Variants in ARHGAP24 observed in about 807,000 individuals in gnomAD.
The protein encoded by ARHGAP24 is Rho GTPase activating protein 24.
Under a neutral mutation model 76.4 loss-of-function variants are expected in ARHGAP24, and 50 were observed. That is an observed-to-expected ratio of 0.65 (90% CI 0.52 to 0.83). ARHGAP24 has a LOEUF of 0.83. Among genes scored for constraint, ARHGAP24 ranks in the 40% least tolerant of loss-of-function variants. ARHGAP24 has a pLI of 0.00. For missense variants in ARHGAP24, 930 were observed against 914.2 expected, an observed-to-expected ratio of 1.02 and a Z score of -0.22; for synonymous variants, 345 against 323.3, an observed-to-expected ratio of 1.07 and a Z score of -0.72.
chr4:85,773,039 TAC>T (rs1296324679), intron 3 of ARHGAP24, among the ~76,000 whole-genome samples: 1 of 152,218 alleles, frequency 6.6e-6, no homozygotes, highest in Non-Finnish European at 1.5e-5. Context: ...AAATGTCTTT[TAC>T]ATAATCAATT....
At chr4:85,728,031 A>G (rs929695364) in intron 3 of ARHGAP24, among the ~76,000 whole-genome samples, 9 of 151,818 alleles carry the variant, frequency 5.9e-5, no homozygotes, top group African/African-American at 2.2e-4. Flanking sequence ...AAAAAAAAAG[A>G]TGTTATTTAT....
intron 4 of ARHGAP24, among the ~76,000 whole-genome samples, chr4:85,941,696 CA>C (rs1736954785): frequency 6.6e-6 from 1 of 152,104 alleles, no homozygotes; most frequent in African/African-American, 2.4e-5. Flanking sequence ...CTATTTTCTG[CA>C]GCATATTTCT....
At chr4:85,715,398 G>A (rs781129261) in intron 2 of ARHGAP24, among the ~76,000 whole-genome samples, 4 of 152,010 alleles carry the variant, frequency 2.6e-5, no homozygotes, top group South Asian at 4.1e-4. Flanking sequence ...TGGTATATTA[G>A]ATTTTTAAAT....
chr4:85,753,619 A>C (rs78739361), intron 3 of ARHGAP24, among the ~76,000 whole-genome samples: 1,839 of 152,314 alleles, frequency 0.012, 29 homozygotes, highest in African/African-American at 0.042. Context: ...GCACTGGTTA[A>C]TGGCTTCCTC....
chr4:85,977,835 A>G (rs1417063945), intron 8 of ARHGAP24, 144 bp downstream of exon 8: 1 of 1,057,136 alleles, frequency 9.5e-7, no homozygotes, highest in Non-Finnish European at 1.4e-6. Context: ...CTTTAAATGT[A>G]AAAATCTTCC....
At chr4:85,635,222 C>G (rs1205246072) in intron 2 of ARHGAP24, among the ~76,000 whole-genome samples, 1 of 151,778 alleles carries the variant, frequency 6.6e-6, no homozygotes, top group African/African-American at 2.4e-5. Context: ...AAGACTTTAC[C>G]TGCCAAAAAG....
chr4:85,717,365 C>T (rs528968269), intron 2 of ARHGAP24, among the ~76,000 whole-genome samples: 4 of 152,184 alleles, frequency 2.6e-5, no homozygotes, highest in South Asian at 4.1e-4. Context: ...TGACCTTACC[C>T]TCTTATATCA....
chr4:85,560,556 C>A (rs1726552577), intron 1 of ARHGAP24, among the ~76,000 whole-genome samples: 1 of 152,130 alleles, frequency 6.6e-6, no homozygotes, highest in African/African-American at 2.4e-5. Flanking sequence ...TTTAATCAAG[C>A]AACAGGATTT....
At chr4:85,865,681 C>T (rs1227213517) in intron 3 of ARHGAP24, among the ~76,000 whole-genome samples, 1 of 150,720 alleles carries the variant, frequency 6.6e-6, no homozygotes, top group African/African-American at 2.4e-5. Context: ...TGGAAGTAAG[C>T]ATGGAATATT....
chr4:85,959,143 C>T (rs1328580181), intron 5 of ARHGAP24, among the ~76,000 whole-genome samples: 1 of 152,310 alleles, frequency 6.6e-6, no homozygotes, highest in South Asian at 2.1e-4. Flanking sequence ...ATGGTTATTT[C>T]TTGATGATAT....
chr4:85,679,750 A>C (rs1723131691), intron 2 of ARHGAP24, among the ~76,000 whole-genome samples: 1 of 152,050 alleles, frequency 6.6e-6, no homozygotes, highest in African/African-American at 2.4e-5. Context: ...TGACATGCTA[A>C]CCTGAGGAGA....
At chr4:85,878,959 C>T (rs138850658) in intron 3 of ARHGAP24, among the ~76,000 whole-genome samples, 236 of 152,252 alleles carry the variant, frequency 1.6e-3, no homozygotes, top group Non-Finnish European at 2.1e-3. Context: ...AAAATTGACA[C>T]GGGAGTCAAT....
chr4:85,743,987 C>T (rs1343485227), intron 3 of ARHGAP24, among the ~76,000 whole-genome samples: 1 of 152,078 alleles, frequency 6.6e-6, no homozygotes, highest in Non-Finnish European at 1.5e-5. Flanking sequence ...CCTATGGTTG[C>T]CACCAAGAGC....
intron 2 of ARHGAP24, among the ~76,000 whole-genome samples, chr4:85,666,278 A>G (rs372312507): frequency 7.2e-5 from 11 of 151,960 alleles, no homozygotes; most frequent in African/African-American, 1.2e-4. Context: ...ATCTTCCATC[A>G]CTGATACCCT....
chr4:85,674,366 T>C (rs1722905598), intron 2 of ARHGAP24, among the ~76,000 whole-genome samples: 1 of 152,248 alleles, frequency 6.6e-6, no homozygotes, highest in Non-Finnish European at 1.5e-5. Flanking sequence ...AGACTGTTTA[T>C]CTTCCCTGTC....
chr4:85,686,149 G>A (rs980498891), intron 2 of ARHGAP24, among the ~76,000 whole-genome samples: 1 of 152,154 alleles, frequency 6.6e-6, no homozygotes, highest in Admixed American at 6.5e-5. Context: ...CACAGAAATT[G>A]GCACAGATTC....
At chr4:85,979,164 C>T (rs955278295) in intron 8 of ARHGAP24, among the ~76,000 whole-genome samples, 4 of 152,104 alleles carry the variant, frequency 2.6e-5, no homozygotes, top group South Asian at 4.1e-4. Flanking sequence ...ATCTGCTTGG[C>T]GTGACCTTTG....
At chr4:85,642,157 A>C (rs1213287958) in intron 2 of ARHGAP24, among the ~76,000 whole-genome samples, 1 of 152,124 alleles carries the variant, frequency 6.6e-6, no homozygotes, top group Admixed American at 6.6e-5. Context: ...AAAACAGGGG[A>C]AGACTCCAGC....
At chr4:85,694,475 A>G (rs1263065309) in intron 2 of ARHGAP24, among the ~76,000 whole-genome samples, 1 of 152,172 alleles carries the variant, frequency 6.6e-6, no homozygotes, top group Admixed American at 6.5e-5. Context: ...GAGCAGCACA[A>G]TCACTTTTTG....
Sources: gnomAD v4.1 joint callset for allele counts (sites outside exome capture counted in the v4.1 genomes callset) on GRCh38, gnomAD v4.1.1 for gene constraint, MANE v1.5 for transcripts, NCBI Gene and HGNC (gene_info 2026-07-23, HGNC 2026-07-21) for gene names.